CPEB3: variants seen among roughly 807,000 people sequenced by gnomAD.
The protein encoded by CPEB3 is cytoplasmic polyadenylation element-binding protein 3.
In CPEB3, 20 loss-of-function variants were observed where a neutral mutation model predicts 67.2. The ratio of observed to expected loss-of-function variants is 0.30; its 90% confidence interval spans 0.21 to 0.43. CPEB3 has a LOEUF of 0.43. CPEB3 is among the 20% of genes least tolerant of loss of function. CPEB3 has a pLI of 1.00. For synonymous variants in CPEB3, 376 were observed against 393.1 expected (o/e 0.96, Z 0.51); for missense variants, 746 against 968.6 (o/e 0.77, Z 3.05).
intron 1 of CPEB3, among the ~76,000 whole-genome samples, chr10:92,271,544 A>G (rs1392481108): frequency 2.0e-5 from 3 of 152,118 alleles, no homozygotes; most frequent in Non-Finnish European, 2.9e-5. Flanking sequence ...ATGACCCTCA[A>G]TTTTGGTTTA....
At chr10:92,156,479 G>A (rs965029899) in intron 4 of CPEB3, among the ~76,000 whole-genome samples, 1 of 152,020 alleles carries the variant, frequency 6.6e-6, no homozygotes, top group Non-Finnish European at 1.5e-5. Context: ...GAAGGACAAG[G>A]CCTGAGAAAA....
intron 6 of CPEB3, among the ~76,000 whole-genome samples, chr10:92,113,317 T>C (rs1474462674): frequency 6.6e-6 from 1 of 152,230 alleles, no homozygotes; most frequent in Non-Finnish European, 1.5e-5. Flanking sequence ...AGTATTGAAC[T>C]ATCACCAGGT....
intron 6 of CPEB3, 108 bp downstream of exon 6, chr10:92,142,920 TG>T (rs1305220686): frequency 8.8e-6 from 6 of 684,694 alleles, no homozygotes; most frequent in Non-Finnish European, 1.5e-5. Context: ...TTTTCCTAAT[TG>T]GGGGAAAAAA....
intron 6 of CPEB3, among the ~76,000 whole-genome samples, chr10:92,135,433 G>A: frequency 6.6e-6 from 1 of 152,208 alleles, no homozygotes; most frequent in African/African-American, 2.4e-5. Context: ...CTGGTCATCA[G>A]AGAAATGCAA....
chr10:92,268,406 T>A (rs952257402), intron 1 of CPEB3, among the ~76,000 whole-genome samples: 2 of 152,080 alleles, frequency 1.3e-5, no homozygotes, highest in Non-Finnish European at 2.9e-5. Flanking sequence ...GGCAGGAAGA[T>A]TGCTTGAGTC....
intron 7 of CPEB3, among the ~76,000 whole-genome samples, chr10:92,101,484 G>C (rs2133390213): frequency 6.6e-6 from 1 of 152,302 alleles, no homozygotes; most frequent in South Asian, 2.1e-4. Flanking sequence ...ACCTAGGTCT[G>C]CTGACATACA....
chr10:92,126,864 G>A (rs1845628221), intron 6 of CPEB3, among the ~76,000 whole-genome samples: 1 of 152,186 alleles, frequency 6.6e-6, no homozygotes, highest in Non-Finnish European at 1.5e-5. Flanking sequence ...GGTTGCACTA[G>A]AATGAGATAA....
At chr10:92,106,227 C>CTTTT in intron 7 of CPEB3, among the ~76,000 whole-genome samples, 1 of 137,894 alleles carries the variant, frequency 7.3e-6, no homozygotes, top group East Asian at 2.1e-4. Flanking sequence ...TACTATTAAC[C>CTTTT]TTTTTTTTTT....
intron 9 of CPEB3, among the ~76,000 whole-genome samples, chr10:92,053,646 A>G (rs941938665): frequency 1.3e-5 from 2 of 148,808 alleles, no homozygotes; most frequent in African/African-American, 5.0e-5. Flanking sequence ...GGTTCACGCC[A>G]TTCTCCTGCC....
At chr10:92,228,323 T>G (rs913104687) in intron 2 of CPEB3, among the ~76,000 whole-genome samples, 1 of 152,148 alleles carries the variant, frequency 6.6e-6, no homozygotes, top group African/African-American at 2.4e-5. Context: ...CTCATAAACT[T>G]TACTGGTTTT....
intron 1 of CPEB3, among the ~76,000 whole-genome samples, chr10:92,276,959 T>A (rs898097789): frequency 6.6e-6 from 1 of 152,228 alleles, no homozygotes; most frequent in Non-Finnish European, 1.5e-5. Context: ...TCTTTTCACA[T>A]GCTTATTGGC....
At chr10:92,276,094 C>T (rs1161126201) in intron 1 of CPEB3, among the ~76,000 whole-genome samples, 1 of 151,416 alleles carries the variant, frequency 6.6e-6, no homozygotes, top group African/African-American at 2.4e-5. Flanking sequence ...GTGATCCACC[C>T]GCCTCGACCT....
At chr10:92,249,496 A>G (rs904768648) in intron 1 of CPEB3, among the ~76,000 whole-genome samples, 1 of 152,002 alleles carries the variant, frequency 6.6e-6, no homozygotes, top group African/African-American at 2.4e-5. Context: ...TTTACAGTGT[A>G]CTCTTTAGTA....
At chr10:92,265,534 A>G (rs1853013742) in intron 1 of CPEB3, among the ~76,000 whole-genome samples, 2 of 152,134 alleles carry the variant, frequency 1.3e-5, no homozygotes, top group African/African-American at 4.8e-5. Context: ...AGGCAGGTGG[A>G]TCACCTGAGG....
At chr10:92,178,708 AAAG>A (rs1174828359) in intron 4 of CPEB3, among the ~76,000 whole-genome samples, 12 of 152,182 alleles carry the variant, frequency 7.9e-5, no homozygotes, top group Admixed American at 6.5e-4. Flanking sequence ...ATATTTTAAA[AAAG>A]AAGACAAAAA....
intron 6 of CPEB3, among the ~76,000 whole-genome samples, chr10:92,139,568 T>C (rs1288279703): frequency 6.6e-6 from 1 of 152,084 alleles, no homozygotes; most frequent in Non-Finnish European, 1.5e-5. Flanking sequence ...AAAGTGGGCA[T>C]GGTTAATAGG....
At chr10:92,106,054 G>A (rs962145061) in intron 7 of CPEB3, among the ~76,000 whole-genome samples, 4 of 151,716 alleles carry the variant, frequency 2.6e-5, no homozygotes, top group East Asian at 1.9e-4. Context: ...CACCATATCC[G>A]GCTAATTTTT....
chr10:92,168,974 T>G (rs2134004215), intron 4 of CPEB3, among the ~76,000 whole-genome samples: 1 of 150,592 alleles, frequency 6.6e-6, no homozygotes, highest in South Asian at 2.1e-4. Context: ...TTTTGTATTT[T>G]TAGTAGAGAT....
At chr10:92,203,524 A>AT (rs1340921388) in intron 2 of CPEB3, among the ~76,000 whole-genome samples, 18 of 110,892 alleles carry the variant, frequency 1.6e-4, no homozygotes, top group Non-Finnish European at 9.7e-5. Context: ...ATATATATAT[A>AT]TATATTTTTT....
Sources: allele counts gnomAD v4.1 joint callset (sites outside exome capture counted in the v4.1 genomes callset), GRCh38; gene constraint gnomAD v4.1.1; transcripts MANE v1.5; gene names NCBI Gene and HGNC (gene_info 2026-07-23, HGNC 2026-07-21).